SPTBN1: variants seen among roughly 807,000 people sequenced by gnomAD.
SPTBN1 encodes spectrin beta chain, non-erythrocytic 1.
A neutral mutation model predicts 266.4 loss-of-function variants in SPTBN1; 32 were observed. The ratio of observed to expected loss-of-function variants is 0.12; its 90% CI spans 0.09 to 0.16. SPTBN1 has a LOEUF of 0.16. SPTBN1 is among the 10% of genes least tolerant of loss of function. The pLI is 1.00. For synonymous variants in SPTBN1, 1,336 were observed against 1,162.2 expected (o/e 1.15, Z -3.04); for missense variants, 2,296 against 3,067.1 (o/e 0.75, Z 5.94).
chr2:54,469,767 T>A (rs954150604), intron 1 of SPTBN1, among the ~76,000 whole-genome samples: 1 of 151,986 alleles, frequency 6.6e-6, no homozygotes, highest in Non-Finnish European at 1.5e-5. Context: ...AGGAGATGAG[T>A]TGTGGTCAGA....
chr2:54,622,979 A>C (rs1222087577), intron 9 of SPTBN1, among the ~76,000 whole-genome samples: 1 of 152,234 alleles, frequency 6.6e-6, no homozygotes, highest in African/African-American at 2.4e-5. Flanking sequence ...ACCCAAAAAA[A>C]GTTTGATTTT....
chr2:54,464,859 C>T (rs906039336), intron 1 of SPTBN1, among the ~76,000 whole-genome samples: 3 of 151,786 alleles, frequency 2.0e-5, no homozygotes, highest in African/African-American at 7.3e-5. Flanking sequence ...AATTTTTAAA[C>T]CTTAAATTTT....
intron 1 of SPTBN1, among the ~76,000 whole-genome samples, chr2:54,493,855 A>T (rs1668821649): frequency 6.6e-6 from 1 of 152,230 alleles, no homozygotes; most frequent in South Asian, 2.1e-4. Flanking sequence ...CTGATACCTT[A>T]CATTCAAATG....
intron 35 of SPTBN1, among the ~76,000 whole-genome samples, chr2:54,667,935 C>G (rs1681473525): frequency 6.6e-6 from 1 of 152,204 alleles, no homozygotes; most frequent in African/African-American, 2.4e-5. Flanking sequence ...GGTTGTGGAT[C>G]ATGATGGGAC....
At chr2:54,644,190 T>A (rs1679771614) in intron 19 of SPTBN1, 133 bp from the exon 20 acceptor site, 3 of 1,149,294 alleles carry the variant, frequency 2.6e-6, no homozygotes, top group African/African-American at 3.1e-5. Context: ...GAGCAGTAAC[T>A]TCATGTGGAA....
At chr2:54,474,945 G>A (rs563779141) in intron 1 of SPTBN1, among the ~76,000 whole-genome samples, 1 of 152,286 alleles carries the variant, frequency 6.6e-6, no homozygotes, top group Non-Finnish European at 1.5e-5. Context: ...GGCTGAGGCG[G>A]GTAGATTGCC....
intron 2 of SPTBN1, among the ~76,000 whole-genome samples, chr2:54,563,853 T>C (rs1326533978): frequency 6.6e-6 from 1 of 152,108 alleles, no homozygotes; most frequent in Admixed American, 6.6e-5. Context: ...CTGCCTGCCT[T>C]GGCCTCCCCA....
In SPTBN1 at chr2:54,629,823, G is replaced by A; in HGVS notation, c.2669+20G>A. The A allele has an allele frequency of 6.2e-7, 1 of 1,611,016 alleles. No individual in the cohort carries two copies. The highest frequency in any genetic ancestry group is 1.1e-5 in the South Asian group (1 of 90,922). ...GCACAGGTGAGCGGGGCGCTGGTCA[G>A]CCACTGGCCTGTTCCTTGTGACCAC... On this transcript the variant is annotated intron_variant, in intron 14 of 35. Transcript: ENST00000356805.
chr2:54,498,178 AAGAGAGTAGCAGCTAAGAGCAT>A (rs1669067192), intron 1 of SPTBN1, among the ~76,000 whole-genome samples: 1 of 152,222 alleles, frequency 6.6e-6, no homozygotes. Flanking sequence ...GAAAGGCAGC[AAGAGAGTAGCAGCTAAGAGCAT>A]AGACTAAGTG....
At chr2:54,577,842 T>C (rs1674596786) in intron 2 of SPTBN1, among the ~76,000 whole-genome samples, 1 of 152,180 alleles carries the variant, frequency 6.6e-6, no homozygotes, top group Non-Finnish European at 1.5e-5. Flanking sequence ...AGGATTTTGT[T>C]AGGACCCTGG....
Position 54,645,190 on chromosome 2 carries a change from A to G in SPTBN1, c.4270-39A>G. 2 of 1,609,314 alleles carry G rather than the reference A, an allele frequency of 1.2e-6. No individual in the cohort carries two copies. The highest frequency in any genetic ancestry group is 1.1e-5 in the South Asian group (1 of 90,846). On this transcript the variant is annotated intron_variant, in intron 20 of 35. Transcript: ENST00000356805. This position sits in a 1 kb window ranked among gnomAD's most constrained non-coding sequence, Gnocchi z 4.3. The stretch of plus-strand genomic sequence containing the variant: ...CTTAGAGCCAGTCACTGCAAAAGAT[A>G]GTCTGTGCTGAGCGCTGAGGCTGCT...
chr2:54,624,868 G>C lies in SPTBN1; in HGVS notation c.1247G>C (p.Arg416Thr). ...CTGGCTTTGCGGAATGAGCTCATAA[G>C]ACAGGAGAAACTGGAACAGCTCGCC... Reference protein sequence around the residue: ...RELALRNELIRQEKLEQLARR... With the variant: ...RELALRNELITQEKLEQLARR... Residue 416 changes from arginine (R) to threonine (T), a missense_variant, in exon 11 of 36, where the codon AGA (arginine) becomes ACA (threonine). Physicochemically the swap from Arg to Thr is moderately conservative, Grantham distance 71 (BLOSUM62 -1). This residue lies in a region of SPTBN1 where 148 missense variants were observed against 203.8 expected (regional missense o/e 0.73). Coordinates refer to ENST00000356805, the MANE Select transcript of SPTBN1 (RefSeq NM_003128.3). 1 of 1,614,218 alleles carries C rather than the reference G, an allele frequency of 6.2e-7. No homozygotes were observed. The highest frequency in any genetic ancestry group is 8.5e-7 in the Non-Finnish European group (1 of 1,180,036).
chr2:54,507,833 C>T (rs1669655963), intron 1 of SPTBN1, among the ~76,000 whole-genome samples: 2 of 148,810 alleles, frequency 1.3e-5, no homozygotes, highest in Admixed American at 1.3e-4. Context: ...AAGTCGAGAC[C>T]TTTGTGATTT....
intron 17 of SPTBN1, among the ~76,000 whole-genome samples, chr2:54,633,867 C>G (rs886697885): frequency 3.9e-5 from 6 of 152,140 alleles, no homozygotes; most frequent in African/African-American, 1.4e-4. Context: ...CACTTCCAAT[C>G]TTTTTTTCTG....
In SPTBN1 at chr2:54,558,945, CTTTA is replaced by C. The variant is rs1435996291; in HGVS notation, c.148+32383_148+32386del. The C allele has an allele frequency of 2.5e-6, 4 of 1,573,654 alleles. No homozygotes were observed. The highest frequency in any genetic ancestry group is 3.5e-6 in the Non-Finnish European group (4 of 1,156,328). ...GGGTGCCAACGGGGGTTCTTGGAGG[CTTTA>C]TTTGTGACCCTAATGAAGACGGGCG... is the stretch of plus-strand genomic sequence containing the variant. On this transcript the variant is annotated intron_variant, in intron 2 of 35. Transcript: ENST00000356805. This position sits in a 1 kb window ranked among gnomAD's most constrained non-coding sequence, Gnocchi z 4.6.
rs747798269 is a variant in SPTBN1 at position 54,612,353 on chromosome 2, G to C, written c.474+19G>C. 1.7e-5 allele frequency: 27 copies of C among 1,599,234 alleles called. No homozygotes were observed. The highest frequency in any genetic ancestry group is 2.7e-5 in the African/African-American group (2 of 74,516). Reference sequence around the variant, plus strand: ...CTTCCAGGTAAGGGTCTCTGCCCAGGGTTGCTCAGAACTTAGGCCGACCTC... The same window carrying C: ...CTTCCAGGTAAGGGTCTCTGCCCAGCGTTGCTCAGAACTTAGGCCGACCTC... On this transcript the variant is annotated intron_variant, in intron 4 of 35. Transcript: ENST00000356805.
chr2:54,602,410 C>T (rs1211716954), intron 3 of SPTBN1, among the ~76,000 whole-genome samples: 1 of 152,182 alleles, frequency 6.6e-6, no homozygotes, highest in East Asian at 1.9e-4. Context: ...TAGGCCTGCA[C>T]TTCAATGGTA....
intron 8 of SPTBN1, 92 bp downstream of exon 8, chr2:54,621,604 A>C: frequency 3.2e-6 from 3 of 949,548 alleles, no homozygotes; most frequent in Non-Finnish European, 5.1e-6. Flanking sequence ...TGCCAATAGC[A>C]ATTTGTAGTG....
intron 1 of SPTBN1, among the ~76,000 whole-genome samples, chr2:54,463,739 G>C (rs1234289725): frequency 6.6e-6 from 1 of 152,064 alleles, no homozygotes; most frequent in Non-Finnish European, 1.5e-5. Flanking sequence ...AGTTTGATTT[G>C]TTTAGAAAAG....
Sources: allele counts gnomAD v4.1 joint callset (sites outside exome capture counted in the v4.1 genomes callset), GRCh38; gene constraint gnomAD v4.1.1; regional missense constraint gnomAD v4.1.1; non-coding constraint Gnocchi (gnomAD v3.1); transcripts MANE v1.5; gene names NCBI Gene and HGNC (gene_info 2026-07-23, HGNC 2026-07-21).